DIAPH1: variants seen among roughly 807,000 people sequenced by gnomAD.
DIAPH1 encodes diaphanous related formin 1.
Under a neutral mutation model 140.7 loss-of-function variants are expected in DIAPH1, and 46 were observed. The ratio of observed to expected loss-of-function variants is 0.33; its 90% CI spans 0.26 to 0.42. The LOEUF is 0.42. Ranked by LOEUF, DIAPH1 falls within the 10% of genes least tolerant of loss-of-function variation. DIAPH1 has a pLI of 1.00. For synonymous variants in DIAPH1, 565 were observed against 551.6 expected (o/e 1.02, Z -0.34); for missense variants, 1,310 against 1,558.7 (o/e 0.84, Z 2.69).
At chr5:141,596,117 C>T (rs2099899279) in intron 1 of DIAPH1, among the ~76,000 whole-genome samples, 1 of 152,154 alleles carries the variant, frequency 6.6e-6, no homozygotes, top group South Asian at 2.1e-4. Context: ...ATTGCGAGGT[C>T]AGGAGATCGA....
chr5:141,580,897 G>A lies in DIAPH1; in HGVS notation c.685-14C>T. ...CTTGATTCCAAACTGGTAGGACCAA[G>A]AACAAAGAAAGGAGGCTGAAAGACG... On this transcript the variant is annotated splice_polypyrimidine_tract_variant and intron_variant, in intron 7 of 27. Coordinates refer to ENST00000389054, the MANE Select transcript of DIAPH1 (RefSeq NM_005219.5). The A allele has an allele frequency of 1.2e-6, 2 of 1,614,128 alleles. No individual in the cohort carries two copies. Among genetic ancestry groups the A allele is most frequent in the African/African-American group, 2.7e-5 (2 of 75,038 alleles).
At chr5:141,592,480 G>A in intron 1 of DIAPH1, among the ~76,000 whole-genome samples, 1 of 137,548 alleles carries the variant, frequency 7.3e-6, no homozygotes, top group East Asian at 2.0e-4. Context: ...CCTAGATCAT[G>A]ACAAGTTAAC....
intron 1 of DIAPH1, among the ~76,000 whole-genome samples, chr5:141,593,806 G>C (rs2099898873): frequency 6.6e-6 from 1 of 152,106 alleles, no homozygotes; most frequent in Non-Finnish European, 1.5e-5. Flanking sequence ...CAAAGATGTG[G>C]AGCAAGAACT....
rs2099886137 is a variant in DIAPH1 at position 141,519,104 on chromosome 5, T to C, written c.3662-2096A>G. On this transcript the variant is annotated intron_variant, in intron 27 of 27. Transcript: ENST00000389054. ...AGACTGTGGGATTTTCACAAAACCA[T>C]TTATTGGATTATGAACATAAACTAA... 8 of 1,024,700 alleles carry C rather than the reference T, an allele frequency of 7.8e-6. No individual in the cohort carries two copies. In the South Asian group the frequency reaches 1.1e-4, roughly 14 times the overall value. 63.5% of individuals were successfully genotyped at this position (1,024,700 alleles called of 1,614,324 possible).
intron 26 of DIAPH1, among the ~76,000 whole-genome samples, chr5:141,525,310 CAGGTTT>C (rs2099887158): frequency 6.6e-6 from 1 of 152,002 alleles, no homozygotes; most frequent in African/African-American, 2.4e-5. Flanking sequence ...TGTGGCCCCT[CAGGTTT>C]AGAGGAGGGT....
Position 141,582,391 on chromosome 5 carries a change from A to C in DIAPH1, c.621-16T>G. On this transcript the variant is annotated splice_polypyrimidine_tract_variant and intron_variant, in intron 6 of 27. Transcript: ENST00000389054. ...ATCGTAACTCCTGTATATAGAAGACATAATCAGTGAGGTCCCTTTATTCTC... is the reference window on the plus strand; with the variant it reads ...ATCGTAACTCCTGTATATAGAAGACCTAATCAGTGAGGTCCCTTTATTCTC... 6.3e-7 allele frequency: 1 copy of C among 1,593,010 alleles called. No homozygotes were observed. Among genetic ancestry groups the C allele is most frequent in the East Asian group, 2.2e-5 (1 of 44,782 alleles).
intron 4 of DIAPH1, 37 bp from the exon 5 acceptor site, chr5:141,583,652 G>GCCCTCTCCCTCTCCCTC: frequency 6.2e-7 from 1 of 1,613,568 alleles, no homozygotes; most frequent in South Asian, 1.1e-5. Context: ...AGTAATGGTG[G>GCCCTCTCCCTCTCCCTC]ACCCAGTCAT....
At chr5:141,574,322 C>G in intron 15 of DIAPH1, 114 bp from the exon 16 acceptor site, 8 of 1,061,350 alleles carry the variant, frequency 7.5e-6, no homozygotes, top group Non-Finnish European at 1.1e-5. Flanking sequence ...AATGGAGGAA[C>G]TGAGAGGAGT....
At chr5:141,588,099 T>G in intron 2 of DIAPH1, 125 bp downstream of exon 2, 7 of 803,770 alleles carry the variant, frequency 8.7e-6, no homozygotes, top group Non-Finnish European at 1.3e-5. Flanking sequence ...AAAAAAGCCT[T>G]GAGATACTGA....
chr5:141,597,030 T>C (rs1015318591), intron 1 of DIAPH1, among the ~76,000 whole-genome samples: 2 of 151,970 alleles, frequency 1.3e-5, no homozygotes, highest in Non-Finnish European at 2.9e-5. Flanking sequence ...ATTAAGGAAA[T>C]TCCCCAAAAA....
intron 18 of DIAPH1, among the ~76,000 whole-genome samples, chr5:141,539,430 G>GTTTTTTTTTTTTT (rs374210300): frequency 7.6e-6 from 1 of 131,840 alleles, no homozygotes; most frequent in African/African-American, 2.7e-5. Context: ...TTTTTTTTTT[G>GTTTTTTTTTTTTT]TTTTTTTTTT....
chr5:141,528,800 A>C lies in DIAPH1; in HGVS notation c.2920T>G (p.Ser974Ala). ...CEELRKSESF[S>A]NLLEITLLVG... ...AGCAAGGTAATCTCTAGGAGATTGG[A>C]AAAGCTCTCACTCTTACGTAACTCC... Residue 974 changes from serine (S) to alanine (A), a missense_variant, in exon 22 of 28, where the codon TCC becomes GCC. By Grantham distance (99) the Ser-to-Ala change is moderately conservative. Around this residue, in one of 3 missense-constraint regions of DIAPH1, gnomAD observed 344 missense variants for 512.2 expected, o/e 0.67. Coordinates refer to ENST00000389054, the MANE Select transcript of DIAPH1 (RefSeq NM_005219.5). The C allele has an allele frequency of 6.2e-7, 1 of 1,614,244 alleles. No individual in the cohort carries two copies. The highest frequency in any genetic ancestry group is 8.5e-7 in the Non-Finnish European group (1 of 1,180,042).
intron 18 of DIAPH1, chr5:141,563,398 ATATTAT>A (rs2099893896): frequency 6.6e-6 from 1 of 152,194 alleles, no homozygotes; most frequent in Non-Finnish European, 1.5e-5. Flanking sequence ...AGATACCAAA[ATATTAT>A]TAAGAGAACA....
In DIAPH1 at chr5:141,595,569, T is replaced by C. The variant is rs1055860984; in HGVS notation, c.118-7319A>G. On this transcript the variant is annotated intron_variant, in intron 1 of 27. Transcript: ENST00000389054. ...AAGTGAGTCTCATGAAATCTTATGG[T>C]TTTGTAAGCATCTGGCATTTCCCCC... 9.9e-5 allele frequency among the ~76,000 whole-genome samples: 15 copies of C among 152,072 alleles called. 1 individual carries two copies. Among genetic ancestry groups the C allele is most frequent in the Admixed American group, 9.8e-4 (15 of 15,272 alleles).
intron 24 of DIAPH1, 37 bp downstream of exon 24, chr5:141,527,536 T>A: frequency 1.2e-6 from 2 of 1,611,384 alleles, no homozygotes; most frequent in Non-Finnish European, 1.7e-6. Context: ...TTCTTTCCCT[T>A]CCTAGGGAAC....
chr5:141,604,625 C>T (rs765612654), intron 1 of DIAPH1, among the ~76,000 whole-genome samples: 5 of 152,234 alleles, frequency 3.3e-5, no homozygotes, highest in Non-Finnish European at 7.3e-5. Flanking sequence ...GCTACCGCTT[C>T]TACATACAGG....
chr5:141,614,580 G>A (rs1243896096), intron 1 of DIAPH1, among the ~76,000 whole-genome samples: 1 of 152,122 alleles, frequency 6.6e-6, no homozygotes, highest in Non-Finnish European at 1.5e-5. Context: ...CTCTCCCAAG[G>A]CAGAGATTTT....
At chr5:141,613,914 A>G (rs1452912016) in intron 1 of DIAPH1, among the ~76,000 whole-genome samples, 1 of 152,220 alleles carries the variant, frequency 6.6e-6, no homozygotes, top group Non-Finnish European at 1.5e-5. Context: ...GGCTATTCAT[A>G]GCGCTCAAAT....
intron 18 of DIAPH1, chr5:141,536,129 GTCTCTATAAAAAAAGT>G (rs1429226572): frequency 3.0e-5 from 12 of 405,982 alleles, no homozygotes; most frequent in Non-Finnish European, 5.2e-6. Flanking sequence ...GCAAAACCCT[GTCTCTATAAAAAAAGT>G]TCAAAAATTA....
Sources: allele counts gnomAD v4.1 joint callset (sites outside exome capture counted in the v4.1 genomes callset), GRCh38; gene constraint gnomAD v4.1.1; regional missense constraint gnomAD v4.1.1; transcripts MANE v1.5; gene names NCBI Gene and HGNC (gene_info 2026-07-23, HGNC 2026-07-21).